The following ZDHHC13 variants were observed in gnomAD, a reference collection of about 807,000 sequenced individuals.
ZDHHC13 encodes the protein palmitoyltransferase ZDHHC13.
ZDHHC13 carries 85 observed loss-of-function variants against 86.0 expected under a neutral mutation model. The ratio of observed to expected loss-of-function variants is 0.99; its 90% CI spans 0.83 to 1.18. ZDHHC13 has a LOEUF of 1.18. ZDHHC13 is among the 50% of genes most tolerant of loss of function. ZDHHC13 has a pLI of 0.00. For synonymous variants in ZDHHC13, 263 were observed against 246.4 expected, an observed-to-expected ratio of 1.07 and a Z score of -0.63; for missense variants, 711 against 730.2, an observed-to-expected ratio of 0.97 and a Z score of 0.30.
At chr11:19,139,062 A>G (rs1267954571) in intron 1 of ZDHHC13, among the ~76,000 whole-genome samples, 1 of 152,120 alleles carries the variant, frequency 6.6e-6, no homozygotes, top group Non-Finnish European at 1.5e-5. Flanking sequence ...AGTTCTGGCC[A>G]GGGCAATTAG....
At chr11:19,163,464 G>C in intron 11 of ZDHHC13, 37 bp downstream of exon 11, 1 of 1,546,770 alleles carries the variant, frequency 6.5e-7, no homozygotes, top group Non-Finnish European at 8.7e-7. Flanking sequence ...TTAATAGGAG[G>C]GTTTGTAAAC....
intron 15 of ZDHHC13, among the ~76,000 whole-genome samples, chr11:19,171,141 G>A (rs1182936480): frequency 6.6e-6 from 1 of 152,194 alleles, no homozygotes; most frequent in Non-Finnish European, 1.5e-5. Flanking sequence ...CTAACCAGTG[G>A]TCATAGTAAT....
chr11:19,164,072 A>C (rs1849987035), intron 11 of ZDHHC13, among the ~76,000 whole-genome samples: 2 of 151,966 alleles, frequency 1.3e-5, no homozygotes, highest in Non-Finnish European at 2.9e-5. Flanking sequence ...GATAGGTGGG[A>C]GTGGTGGGGT....
chr11:19,134,173 T>A (rs1849071405), intron 1 of ZDHHC13, among the ~76,000 whole-genome samples: 1 of 151,924 alleles, frequency 6.6e-6, no homozygotes, highest in South Asian at 2.1e-4. Context: ...TTTTAAAAAT[T>A]GTAGATAGGT....
At chr11:19,146,568 A>G (rs1194261929) in intron 3 of ZDHHC13, among the ~76,000 whole-genome samples, 1 of 152,204 alleles carries the variant, frequency 6.6e-6, no homozygotes, top group Non-Finnish European at 1.5e-5. Context: ...ATTTTTTAAA[A>G]AAGGAAAAGT....
rs199838406 is a variant in ZDHHC13, at chr11:19,163,389, C to G, written c.1195C>G (p.Pro399Ala). The G allele has an allele frequency of 9.3e-6, 15 of 1,605,966 alleles. No individual in the cohort carries two copies. The African/African-American group carries it at 1.9e-4, about 20-fold the overall frequency. Residue 399 changes from proline (P) to alanine (A), a missense_variant, in exon 11 of 17, where the codon CCA becomes GCA. Coordinates refer to ENST00000446113, the MANE Select transcript of ZDHHC13 (RefSeq NM_019028.3). ...YFFYKTWATD[P>A]GFTKASEEEK... is the part of the protein sequence containing the mutation. ...TTTCTATAAGACTTGGGCAACTGAT[C>G]CAGGCTTCACTAAGGCTTCTGAAGA...
At chr11:19,152,854 T>C (rs996376483) in intron 8 of ZDHHC13, among the ~76,000 whole-genome samples, 170 bp downstream of exon 8, 44 of 152,164 alleles carry the variant, frequency 2.9e-4, no homozygotes, top group Non-Finnish European at 5.9e-5. Flanking sequence ...TTTGGCACTT[T>C]CATTGGCTAT....
rs140192360 is a variant in ZDHHC13, at chr11:19,161,289, T to C, written c.1109-2014T>C. Among the ~76,000 whole-genome samples, 72 of 152,040 alleles carry C rather than the reference T, an allele frequency of 4.7e-4. 2 individuals carry two copies. Among genetic ancestry groups the C allele is most frequent in the African/African-American group, 1.5e-3 (60 of 41,374 alleles). On this transcript the variant is annotated intron_variant, in intron 10 of 16. Transcript: ENST00000446113. ...CTCTTTTCAGACTAGTTATGCACCA[T>C]TGGGGCAAGGTACATAATTTCACCA...
At chr11:19,121,242 A>G (rs1306408201) in intron 1 of ZDHHC13, among the ~76,000 whole-genome samples, 1 of 151,700 alleles carries the variant, frequency 6.6e-6, no homozygotes, top group Admixed American at 6.6e-5. Context: ...ATTGCTAGTC[A>G]GGTGGTCCAG....
chr11:19,130,380 T>A (rs1848969717), intron 1 of ZDHHC13, among the ~76,000 whole-genome samples: 1 of 152,200 alleles, frequency 6.6e-6, no homozygotes, highest in Non-Finnish European at 1.5e-5. Context: ...TTTCAAAATT[T>A]GTAGGCTTTT....
At chr11:19,129,320 G>A (rs2133369598) in intron 1 of ZDHHC13, among the ~76,000 whole-genome samples, 1 of 152,216 alleles carries the variant, frequency 6.6e-6, no homozygotes, top group Non-Finnish European at 1.5e-5. Flanking sequence ...GAGCATATTT[G>A]CTTTGTTTCC....
Position 19,134,359 on chromosome 11 carries a change from G to A in ZDHHC13, c.28-8619G>A, listed in dbSNP as rs115061129. Among the ~76,000 whole-genome samples the A allele has an allele frequency of 6.8e-3, 1,038 of 151,928 alleles. 8 individuals are homozygous for A. Among genetic ancestry groups the A allele is most frequent in the African/African-American group, 0.024 (979 of 41,426 alleles). On this transcript the variant is annotated intron_variant, in intron 1 of 16. Transcript: ENST00000446113. Reference sequence around the variant, plus strand: ...AAACTAAAAACTAAAAAATTAGCTGGGTATACCAAAGGATTATAAAACATT... The same window carrying A: ...AAACTAAAAACTAAAAAATTAGCTGAGTATACCAAAGGATTATAAAACATT...
intron 10 of ZDHHC13, among the ~76,000 whole-genome samples, chr11:19,160,607 T>C (rs1043096316): frequency 6.6e-6 from 1 of 151,912 alleles, no homozygotes; most frequent in African/African-American, 2.4e-5. Flanking sequence ...ATTTTTAAAA[T>C]TTGAGAAACA....
Position 19,170,535 on chromosome 11 carries a change from G to C in ZDHHC13, c.1599G>C (p.Trp533Cys), listed in dbSNP as rs1244606150. Residue 533 changes from tryptophan (W) to cysteine (C), a missense_variant, in exon 15 of 17, where the codon TGG (tryptophan) becomes TGC (cysteine). Transcript: ENST00000446113. ...ILMLATFHFSWSTFLLLNQLF... is the reference protein window; with the variant it reads ...ILMLATFHFSCSTFLLLNQLF... ...TGCTAGCAACTTTCCATTTCTCATGGTCAACATTTTTATTATTAAATCAAC... is the reference window on the plus strand; with the variant it reads ...TGCTAGCAACTTTCCATTTCTCATGCTCAACATTTTTATTATTAAATCAAC... 5 of 1,527,926 alleles carry C rather than the reference G, an allele frequency of 3.3e-6. No individual in the cohort carries two copies. Among genetic ancestry groups the C allele is most frequent in the Non-Finnish European group, 4.4e-6 (5 of 1,141,170 alleles). The allele number at this position is 1,527,926 out of a possible 1,614,324, so 94.6% of individuals were successfully genotyped here. A position where few individuals can be genotyped will look rare whatever the true frequency, so the allele number is the denominator to read the frequency against.
chr11:19,169,149 C>A (rs1850150709), intron 14 of ZDHHC13: 1 of 985,318 alleles, frequency 1.0e-6, no homozygotes, highest in Non-Finnish European at 1.2e-6. Flanking sequence ...AAAGAATTCC[C>A]AGAAGGGAGC....
At chr11:19,146,527 C>A (rs1458527652) in intron 3 of ZDHHC13, among the ~76,000 whole-genome samples, 1 of 151,898 alleles carries the variant, frequency 6.6e-6, no homozygotes, top group Non-Finnish European at 1.5e-5. Context: ...CCAAGGGGGC[C>A]AATCATAAAG....
In ZDHHC13 at chr11:19,152,541, A is replaced by G. The variant is rs760291207; in HGVS notation, c.748-18A>G. 1 of 1,579,348 alleles carries G rather than the reference A, an allele frequency of 6.3e-7. No individual in the cohort carries two copies. The highest frequency in any genetic ancestry group is 1.2e-5 in the South Asian group (1 of 85,070). On this transcript the variant is annotated intron_variant, in intron 7 of 16. Coordinates refer to ENST00000446113, the MANE Select transcript of ZDHHC13 (RefSeq NM_019028.3). ...TATTAAAAATACTTTTAAACTTTTT[A>G]CCCTACTCTTTTTTAAGGGAGAAAC...
chr11:19,153,784 C>A (rs1849681522), intron 8 of ZDHHC13, among the ~76,000 whole-genome samples: 2 of 152,124 alleles, frequency 1.3e-5, no homozygotes, highest in Non-Finnish European at 2.9e-5. Flanking sequence ...CTGATACCCT[C>A]CCCACCCTTC....
chr11:19,169,256 A>G (rs1850153681), intron 14 of ZDHHC13: 10 of 985,416 alleles, frequency 1.0e-5, no homozygotes, highest in African/African-American at 3.5e-5. Flanking sequence ...TTTTTGTGAT[A>G]TCAGGTGCAT....
Sources: allele counts gnomAD v4.1 joint callset (sites outside exome capture counted in the v4.1 genomes callset), GRCh38; gene constraint gnomAD v4.1.1; transcripts MANE v1.5; gene names NCBI Gene and HGNC (gene_info 2026-07-23, HGNC 2026-07-21).